Variants in RUFY2 observed in about 807,000 individuals in gnomAD.
The protein encoded by RUFY2 is RUN and FYVE domain-containing protein 2.
Under a neutral mutation model 94.4 loss-of-function variants are expected in RUFY2, and 49 were observed. The ratio of observed to expected loss-of-function variants is 0.52; its 90% CI spans 0.41 to 0.66. The LOEUF (loss-of-function observed/expected upper bound fraction) is 0.66, where lower values mean the gene tolerates loss of function less well. Among genes scored for constraint, RUFY2 ranks in the 30% least tolerant of loss-of-function variants. RUFY2 has a pLI of 0.00. For synonymous variants in RUFY2, 255 were observed against 235.7 expected, an observed-to-expected ratio of 1.08 and a Z score of -0.75; for missense variants, 541 against 692.8, an observed-to-expected ratio of 0.78 and a Z score of 2.46.
chr10:68,379,550 T>C, intron 11 of RUFY2, 29 bp from the exon 12 acceptor site: 1 of 1,531,360 alleles, frequency 6.5e-7, no homozygotes, highest in African/African-American at 1.4e-5. Context: ...GCTATGGTGG[T>C]TTTGATTTGT....
intron 16 of RUFY2, among the ~76,000 whole-genome samples, chr10:68,346,935 T>G (rs781546016): frequency 7.2e-5 from 11 of 152,104 alleles, no homozygotes; most frequent in African/African-American, 1.4e-4. Flanking sequence ...CCAGGAAGAC[T>G]GGCCTGGGGA....
At chr10:68,382,259 T>C (rs1422753536) in intron 10 of RUFY2, among the ~76,000 whole-genome samples, 5 of 151,052 alleles carry the variant, frequency 3.3e-5, no homozygotes, top group East Asian at 2.0e-4. Flanking sequence ...GGTTTCACCA[T>C]GTTAGCCAGG....
downstream of RUFY2, chr10:68,342,130 T>A: frequency 9.4e-7 from 1 of 1,062,708 alleles, no homozygotes; most frequent in Non-Finnish European, 1.3e-6. Flanking sequence ...TAATTTCTTT[T>A]GTATTTTAAG....
At chr10:68,406,647 C>T in intron 1 of RUFY2, 2 of 1,121,394 alleles carry the variant, frequency 1.8e-6, no homozygotes, top group South Asian at 1.6e-5. Flanking sequence ...AGTGCCCGCA[C>T]CTTGCCGGGG....
intron 15 of RUFY2, among the ~76,000 whole-genome samples, chr10:68,362,022 T>A (rs1289212527): frequency 3.3e-5 from 5 of 152,146 alleles, no homozygotes; most frequent in African/African-American, 1.2e-4. Flanking sequence ...TTATTTTTAC[T>A]TTTCTGTACT....
chr10:68,368,272 G>T (rs778244396), intron 13 of RUFY2, among the ~76,000 whole-genome samples: 3 of 150,750 alleles, frequency 2.0e-5, no homozygotes, highest in African/African-American at 2.5e-5. Flanking sequence ...CCAGCCTGTA[G>T]GTTTTTAACC....
At position 68,369,983 on chromosome 10, in the gene RUFY2, T is replaced by C. The variant is rs1589851093; in HGVS notation, c.1326-5870A>G. Among the ~76,000 whole-genome samples the C allele has an allele frequency of 5.3e-5, 8 of 150,236 alleles. No homozygotes were observed. The South Asian group carries it at 1.2e-3, about 23-fold the overall frequency. On this transcript the variant is annotated intron_variant, in intron 13 of 17. Coordinates refer to ENST00000602465, the MANE Select transcript of RUFY2 (RefSeq NM_001330103.2). ...AGTCTCGGGTATTCAGTTATATTAATAGAAAGTAAACTAATCTAGGCCGGG... is the reference window on the plus strand; with the variant it reads ...AGTCTCGGGTATTCAGTTATATTAACAGAAAGTAAACTAATCTAGGCCGGG...
intron 15 of RUFY2, among the ~76,000 whole-genome samples, chr10:68,356,050 T>C (rs191896406): frequency 3.9e-5 from 6 of 152,302 alleles, no homozygotes; most frequent in Admixed American, 3.9e-4. Flanking sequence ...AAAACCTATT[T>C]TAAAGATGAA....
chr10:68,351,364 C>T (rs1317084313), intron 16 of RUFY2, among the ~76,000 whole-genome samples: 7 of 151,606 alleles, frequency 4.6e-5, no homozygotes, highest in South Asian at 2.1e-4. Context: ...TCTCAAACTC[C>T]TGACCTTGTG....
chr10:68,406,765 C>G (rs2051354052), intron 1 of RUFY2: 2 of 1,610,902 alleles, frequency 1.2e-6, no homozygotes, highest in Middle Eastern at 1.7e-4. Flanking sequence ...CAGGCTCCTG[C>G]GCGTCAGCAT....
intron 2 of RUFY2, among the ~76,000 whole-genome samples, chr10:68,404,456 T>C (rs953551239): frequency 1.3e-5 from 2 of 152,202 alleles, no homozygotes; most frequent in Non-Finnish European, 2.9e-5. Context: ...AAATATTCTG[T>C]TTACAAAATA....
chr10:68,352,480 C>G (rs923146683), intron 16 of RUFY2, among the ~76,000 whole-genome samples: 2 of 152,132 alleles, frequency 1.3e-5, no homozygotes, highest in Admixed American at 6.5e-5. Context: ...GCAGAGAACT[C>G]TTGAAGTTGG....
chr10:68,367,468 T>C (rs552933367), intron 13 of RUFY2, among the ~76,000 whole-genome samples: 1 of 152,262 alleles, frequency 6.6e-6, no homozygotes, highest in South Asian at 2.1e-4. Context: ...GTTCTGTTTT[T>C]AGAGACAGGA....
At chr10:68,397,135 T>C (rs893541671) in intron 3 of RUFY2, among the ~76,000 whole-genome samples, 1 of 152,210 alleles carries the variant, frequency 6.6e-6, no homozygotes, top group African/African-American at 2.4e-5. Flanking sequence ...TGTCACTTAA[T>C]GATACTTTCA....
At chr10:68,389,424 C>T (rs1214257509) in intron 7 of RUFY2, among the ~76,000 whole-genome samples, 2 of 151,686 alleles carry the variant, frequency 1.3e-5, no homozygotes, top group East Asian at 3.9e-4. Context: ...AACCCTGTCT[C>T]TACTGAACGT....
chr10:68,403,834 C>G (rs2038879537), intron 2 of RUFY2, among the ~76,000 whole-genome samples: 3 of 150,150 alleles, frequency 2.0e-5, no homozygotes, highest in Non-Finnish European at 4.4e-5. Context: ...CTCTGTTGTC[C>G]AGGCTGGAGT....
chr10:68,398,852 C>A (rs1342329281), intron 3 of RUFY2, among the ~76,000 whole-genome samples: 2 of 152,030 alleles, frequency 1.3e-5, no homozygotes, highest in Non-Finnish European at 2.9e-5. Flanking sequence ...CATCAGAAAA[C>A]AGGTTTTACT....
At chr10:68,395,348 A>T (rs997440224) in intron 4 of RUFY2, among the ~76,000 whole-genome samples, 1 of 151,740 alleles carries the variant, frequency 6.6e-6, no homozygotes, top group Non-Finnish European at 1.5e-5. Flanking sequence ...AAGAAAATAA[A>T]AAAAAAAAAA....
Position 68,366,936 on chromosome 10 carries a change from G to A in RUFY2, c.1326-2823C>T, listed in dbSNP as rs559469636. Among the ~76,000 whole-genome samples, 8 of 147,470 alleles carry A rather than the reference G, an allele frequency of 5.4e-5. No homozygotes were observed. The East Asian group carries it at 7.9e-4, about 15-fold the overall frequency. The stretch of plus-strand genomic sequence containing the variant: ...TGTAATCCCAGCACTTTCAGAGGCC[G>A]AGGCGTGCAGATCACAAGGTCAGGA... On this transcript the variant is annotated intron_variant, in intron 13 of 17. Transcript: ENST00000602465.
Sources: allele counts gnomAD v4.1 joint callset (sites outside exome capture counted in the v4.1 genomes callset), GRCh38; gene constraint gnomAD v4.1.1; transcripts MANE v1.5; gene names NCBI Gene and HGNC (gene_info 2026-07-23, HGNC 2026-07-21).